SIGLEC12: variants seen among roughly 807,000 people sequenced by gnomAD.
SIGLEC12 encodes sialic acid-binding Ig-like lectin 12.
Under a neutral mutation model 54.1 loss-of-function variants are expected in SIGLEC12, and 43 were observed. The ratio of observed to expected loss-of-function variants is 0.80; its 90% CI spans 0.62 to 1.03. The LOEUF is 1.03. Among genes scored for constraint, SIGLEC12 ranks in the 50% least tolerant of loss-of-function variants. The pLI, the probability that SIGLEC12 is intolerant of heterozygous loss-of-function variation, is 0.00. For synonymous variants in SIGLEC12, 357 were observed against 307.6 expected (o/e 1.16, Z -1.68); for missense variants, 802 against 735.2 (o/e 1.09, Z -1.05).
At chr19:51,492,801 C>T (rs541803866) in intron 7 of SIGLEC12, among the ~76,000 whole-genome samples, 1 of 152,344 alleles carries the variant, frequency 6.6e-6, no homozygotes, top group South Asian at 2.1e-4. Flanking sequence ...GGAACTGGCC[C>T]TGCCTGCCAA....
At position 51,501,522 on chromosome 19, in the gene SIGLEC12, C is replaced by T. The variant is rs761302604; in HGVS notation, c.212G>A (p.Ser71Asn). The T allele has an allele frequency of 2.6e-6, 4 of 1,565,784 alleles. No homozygotes were observed. In the South Asian group the frequency reaches 4.5e-5, roughly 18 times the overall value. Reference protein sequence around the residue: ...GYWFRAGDHVSRNIPVATNNP... With the variant: ...GYWFRAGDHVNRNIPVATNNP... ...GTTTGTGGCCACTGGAATGTTCCGG[C>T]TTACATGGTCCCCTGCCCGGAACCA... Residue 71 changes from serine (S) to asparagine (N), a missense_variant, in exon 1 of 8, where the codon AGC becomes AAC. Ser to Asn is a conservative substitution (Grantham distance 46). Coordinates refer to ENST00000291707, the MANE Select transcript of SIGLEC12 (RefSeq NM_053003.4).
chr19:51,499,766 G>A (rs908146297), intron 2 of SIGLEC12, 50 bp from the exon 3 acceptor site: 9 of 1,601,020 alleles, frequency 5.6e-6, no homozygotes, highest in Non-Finnish European at 7.7e-6. Flanking sequence ...GGTCTGAAGT[G>A]TGGTGCTGAG....
Position 51,501,635 on chromosome 19 carries a change from C to G in SIGLEC12, c.99G>C (p.Thr33=). 6.2e-7 allele frequency: 1 copy of G among 1,614,192 alleles called. No homozygotes were observed. ...DYLLTMQKSV[T]VQEGLCVSVL... ...CAGAGACACACAGGCCCTCCTGCAC[C>G]GTCACGGACTTCTGCATTGTCAGCA... is the stretch of plus-strand genomic sequence containing the variant. Residue 33 remains threonine (T), a synonymous_variant, in exon 1 of 8, where the codon ACG becomes ACC. Transcript: ENST00000291707.
chr19:51,498,837 G>T (rs892627937), intron 4 of SIGLEC12, among the ~76,000 whole-genome samples: 1 of 152,194 alleles, frequency 6.6e-6, no homozygotes, highest in Non-Finnish European at 1.5e-5. Context: ...ACTATAGTAT[G>T]TATCCAAAAG....
Position 51,491,681 on chromosome 19 carries a change from G to A in SIGLEC12, c.1748C>T (p.Ala583Val). The A allele has an allele frequency of 6.2e-7, 1 of 1,613,342 alleles. No individual in the cohort carries two copies. The highest frequency in any genetic ancestry group is 1.1e-5 in the South Asian group (1 of 91,034). ...ARPQYPQEQE[A>V]IGYEYSEINI... ...GATCTCGGAGTACTCATAGCCGATGGCCTCCTGTTCCTGTGGGTACTGAGG... is the reference window on the plus strand; with the variant it reads ...GATCTCGGAGTACTCATAGCCGATGACCTCCTGTTCCTGTGGGTACTGAGG... Residue 583 changes from alanine (A) to valine (V), a missense_variant, in exon 8 of 8, where the codon GCC becomes GTC. Transcript: ENST00000291707.
intron 7 of SIGLEC12, among the ~76,000 whole-genome samples, chr19:51,493,725 A>G (rs1046441238): frequency 6.6e-6 from 1 of 152,142 alleles, no homozygotes; most frequent in African/African-American, 2.4e-5. Context: ...TTTACCCATA[A>G]GACAGCCATG....
intron 4 of SIGLEC12, 110 bp from the exon 5 acceptor site, chr19:51,498,397 T>C: frequency 1.1e-6 from 1 of 927,118 alleles, no homozygotes; most frequent in Non-Finnish European, 1.6e-6. Context: ...TGCTGAATTG[T>C]AGGGACATAT....
chr19:51,498,943 T>C (rs973452564), intron 4 of SIGLEC12, among the ~76,000 whole-genome samples: 4 of 152,182 alleles, frequency 2.6e-5, no homozygotes, highest in African/African-American at 9.7e-5. Context: ...GCTGTGTGAA[T>C]GTCCCTCTAC....
chr19:51,501,753 A>G lies in SIGLEC12; in HGVS notation c.-20T>C. On this transcript the variant is annotated 5_prime_UTR_variant, in exon 1 of 8. Coordinates refer to ENST00000291707, the MANE Select transcript of SIGLEC12 (RefSeq NM_053003.4). ...TAGCATGTGTCGGGTTGGAGGTGCC[A>G]GGGTTGCTGAGGTAAGTCTGTTCCT... 6.4e-7 allele frequency: 1 copy of G among 1,573,740 alleles called. No homozygotes were observed. Among genetic ancestry groups the G allele is most frequent in the Non-Finnish European group, 8.6e-7 (1 of 1,157,350 alleles).
Position 51,499,454 on chromosome 19 carries a change from G to C in SIGLEC12, c.1071C>G (p.Val357=). Residue 357 remains valine (V), a synonymous_variant, in exon 3 of 8, where the codon GTC becomes GTG. Transcript: ENST00000291707. ...PGAGVTMTRA[V]RLNISYPPQN... is the part of the protein sequence containing the mutation. Reference sequence around the variant, plus strand: ...AGAACTCACAGGATATGTTGAGTCGGACAGCCCTGGTCATGGTCACGCCGG... The same window carrying C: ...AGAACTCACAGGATATGTTGAGTCGCACAGCCCTGGTCATGGTCACGCCGG... 6.3e-7 allele frequency: 1 copy of C among 1,589,412 alleles called. No individual in the cohort carries two copies. The highest frequency in any genetic ancestry group is 8.5e-7 in the Non-Finnish European group (1 of 1,170,434).
chr19:51,492,766 G>T (rs59100151), intron 7 of SIGLEC12, among the ~76,000 whole-genome samples: 1 of 152,038 alleles, frequency 6.6e-6, no homozygotes, highest in African/African-American at 2.4e-5. Context: ...GTGAGAAAGC[G>T]CATCCTCCCC....
rs775589119 is a variant in SIGLEC12 at position 51,497,453 on chromosome 19, T to C, written c.1406-8A>G. 4 of 1,603,092 alleles carry C rather than the reference T, an allele frequency of 2.5e-6. No individual in the cohort carries two copies. Among genetic ancestry groups the C allele is most frequent in the Admixed American group, 3.3e-5 (2 of 59,720 alleles). On this transcript the variant is annotated splice_polypyrimidine_tract_variant and splice_region_variant and intron_variant, in intron 5 of 7. Transcript: ENST00000291707. ...ATATAGGCCTCATTTTGCCTGAGGA[T>C]GGATTGGAGTTGTTTTGGGGTTTAC... is the stretch of plus-strand genomic sequence containing the variant.
In SIGLEC12 at chr19:51,498,778, C is replaced by T. The variant is rs113945942; in HGVS notation, c.1135+392G>A. On this transcript the variant is annotated intron_variant, in intron 4 of 7. Coordinates refer to ENST00000291707, the MANE Select transcript of SIGLEC12 (RefSeq NM_053003.4). ...CAGGACAGCCTGGACAGACCCTGGT[C>T]GATTCTGGGGACAGACTCTGCTGTG... 3.4e-4 allele frequency among the ~76,000 whole-genome samples: 52 copies of T among 152,266 alleles called. 3 individuals are homozygous for T. The highest frequency in any genetic ancestry group is 1.2e-3 in the African/African-American group (48 of 41,536).
chr19:51,497,091 G>T (rs112541366), intron 6 of SIGLEC12, 115 bp from the exon 7 acceptor site: 14 of 1,531,304 alleles, frequency 9.1e-6, no homozygotes, highest in African/African-American at 6.9e-5. Flanking sequence ...GAGGCGGGAG[G>T]GGAGTGGTCC....
In SIGLEC12 at chr19:51,499,159, C is replaced by T; in HGVS notation, c.1135+11G>A. The T allele has an allele frequency of 2.5e-6, 4 of 1,614,002 alleles. No homozygotes were observed. The highest frequency in any genetic ancestry group is 3.4e-6 in the Non-Finnish European group (4 of 1,179,864). On this transcript the variant is annotated intron_variant, in intron 4 of 7. Coordinates refer to ENST00000291707, the MANE Select transcript of SIGLEC12 (RefSeq NM_053003.4). ...TGCTCCTCCAGCCCCAGGGAGAGGACTCCATCTTACCTGTGCCATCTCCTT... is the reference window on the plus strand; with the variant it reads ...TGCTCCTCCAGCCCCAGGGAGAGGATTCCATCTTACCTGTGCCATCTCCTT...
Position 51,497,461 on chromosome 19 carries a change from A to C in SIGLEC12, c.1406-16T>G. On this transcript the variant is annotated splice_polypyrimidine_tract_variant and intron_variant, in intron 5 of 7. Transcript: ENST00000291707. ...CTCATTTTGCCTGAGGATGGATTGGAGTTGTTTTGGGGTTTACCCTCCAAG... is the reference window on the plus strand; with the variant it reads ...CTCATTTTGCCTGAGGATGGATTGGCGTTGTTTTGGGGTTTACCCTCCAAG... 1 of 1,598,608 alleles carries C rather than the reference A, an allele frequency of 6.3e-7. No homozygotes were observed. The highest frequency in any genetic ancestry group is 8.6e-7 in the Non-Finnish European group (1 of 1,167,670).
In SIGLEC12 at chr19:51,501,743, TG is replaced by T. The variant is rs1245653316; in HGVS notation, c.-11del. ...GCAGCAGCAGTAGCATGTGTCGGGT[TG>T]GAGGTGCCAGGGTTGCTGAGGTAAG... On this transcript the variant is annotated 5_prime_UTR_variant, in exon 1 of 8. Transcript: ENST00000291707. 4 of 1,591,938 alleles carry T rather than the reference TG, an allele frequency of 2.5e-6. No individual in the cohort carries two copies. The highest frequency in any genetic ancestry group is 2.7e-5 in the African/African-American group (2 of 74,534).
Position 51,501,585 on chromosome 19 carries a change from TG to T in SIGLEC12, c.148del (p.Gln50LysfsTer21). ...TGGATCGGAGGCAGTCCAGCCATTT[TG>T]GGGGTAGGAGAAGGAGCAAAGCACA... ...VSVLCSFSYP[Q>X]NGWTASDPVH... is the part of the protein sequence containing the mutation. On this transcript the variant is annotated frameshift_variant, in exon 1 of 8. Coordinates refer to ENST00000291707, the MANE Select transcript of SIGLEC12 (RefSeq NM_053003.4). LOFTEE classifies it high-confidence loss of function. The T allele has an allele frequency of 6.2e-7, 1 of 1,613,998 alleles. No homozygotes were observed. Among genetic ancestry groups the T allele is most frequent in the East Asian group, 2.2e-5 (1 of 44,872 alleles).
intron 4 of SIGLEC12, 43 bp from the exon 5 acceptor site, chr19:51,498,330 C>G (rs779984555): frequency 7.9e-6 from 12 of 1,522,824 alleles, no homozygotes; most frequent in Middle Eastern, 1.7e-4. Context: ...ACAAAGTGAT[C>G]GAGGCAGGGA....
Sources: gnomAD v4.1 joint callset for allele counts (sites outside exome capture counted in the v4.1 genomes callset) on GRCh38, gnomAD v4.1.1 for gene constraint, MANE v1.5 for transcripts, NCBI Gene and HGNC (gene_info 2026-07-23, HGNC 2026-07-21) for gene names.